The following MYOD1 variants were observed in gnomAD, a reference collection of about 807,000 sequenced individuals.
MYOD1 encodes the protein myoblast determination protein 1.
In MYOD1, 15 loss-of-function variants were observed where a neutral mutation model predicts 14.9. The observed-to-expected ratio is 1.01, with a 90% CI of 0.67 to 1.55. The LOEUF (loss-of-function observed/expected upper bound fraction) is 1.55. Ranked by LOEUF, MYOD1 falls within the 40% of genes most tolerant of loss-of-function variation. MYOD1 has a pLI of 0.00. For synonymous variants in MYOD1, 235 were observed against 218.6 expected, an observed-to-expected ratio of 1.07 and a Z score of -0.66; for missense variants, 529 against 482.6, an observed-to-expected ratio of 1.10 and a Z score of -0.90.
At position 17,721,380 on chromosome 11, in the gene MYOD1, C is replaced by A; in HGVS notation, c.835C>A (p.Pro279Thr). 6.3e-7 allele frequency: 1 copy of A among 1,596,472 alleles called. No homozygotes were observed. The highest frequency in any genetic ancestry group is 8.5e-7 in the Non-Finnish European group (1 of 1,178,104). ...LLLADVPSES[P>T]PRRQEAAAPS... ...GCTGGCGGACGTGCCTTCTGAGTCG[C>A]CTCCGCGCAGGCAAGAGGCTGCCGC... The change falls in exon 3 of 3, where the codon CCT (proline) becomes ACT (threonine). Residue 279 changes from proline to threonine, a missense_variant. By Grantham distance (38) the Pro-to-Thr change is conservative. Transcript: ENST00000250003. This position sits in a 1 kb window ranked among gnomAD's most constrained non-coding sequence, Gnocchi z 6.2.
rs1042804 is a variant in MYOD1 at position 17,721,613 on chromosome 11, A to G, written c.*105A>G. 3.0e-6 allele frequency: 4 copies of G among 1,349,350 alleles called. No homozygotes were observed. Among genetic ancestry groups the G allele is most frequent in the Non-Finnish European group, 3.9e-6 (4 of 1,027,530 alleles). The allele number at this position is 1,349,350 out of a possible 1,614,324, so 83.6% of individuals were successfully genotyped here. ...CCCTCCCAACAGCGCTTTAAAAGCG[A>G]CCTCTCTTGAGGTAGGAGAGGCGGG... On this transcript the variant is annotated 3_prime_UTR_variant, in exon 3 of 3. Transcript: ENST00000250003. This position sits in a 1 kb window ranked among gnomAD's most constrained non-coding sequence, Gnocchi z 6.2.
rs139044494 is a variant in MYOD1 at position 17,721,534 on chromosome 11, G to A, written c.*26G>A. The A allele has an allele frequency of 0.016, 24,140 of 1,497,176 alleles. 296 individuals are homozygous for A. Among genetic ancestry groups the A allele is most frequent in the Non-Finnish European group, 0.018 (20,362 of 1,129,350 alleles). The allele number at this position is 1,497,176 out of a possible 1,614,324, so 92.7% of individuals were successfully genotyped here. A position where few individuals can be genotyped will look rare whatever the true frequency, so the allele number is the denominator to read the frequency against. Reference sequence around the variant, plus strand: ...GGGGATGGTGGCCGCCCACCCGCCCGAGGGATGGTGCCCCTAGGGTCCCTC... The same window carrying A: ...GGGGATGGTGGCCGCCCACCCGCCCAAGGGATGGTGCCCCTAGGGTCCCTC... On this transcript the variant is annotated 3_prime_UTR_variant, in exon 3 of 3. Coordinates refer to ENST00000250003, the MANE Select transcript of MYOD1 (RefSeq NM_002478.5). This position sits in a 1 kb window ranked among gnomAD's most constrained non-coding sequence, Gnocchi z 6.2.
At position 17,720,945 on chromosome 11, in the gene MYOD1, G is replaced by T. The variant is rs1215049962; in HGVS notation, c.674G>T (p.Cys225Phe). The change falls in exon 2 of 3, where the codon TGC becomes TTC. Residue 225 changes from cysteine to phenylalanine, a missense_variant. Transcript: ENST00000250003. Reference sequence around the variant, plus strand: ...CCGAGCGGCGCCCGGCGGCGGAACTGCTACGAAGGCGCCTACTACAACGAG... The same window carrying T: ...CCGAGCGGCGCCCGGCGGCGGAACTTCTACGAAGGCGCCTACTACAACGAG... ...GPPSGARRRNCYEGAYYNEAP... is the reference protein window; with the variant it reads ...GPPSGARRRNFYEGAYYNEAP... The T allele has an allele frequency of 6.2e-7, 1 of 1,608,880 alleles. No individual in the cohort carries two copies. The highest frequency in any genetic ancestry group is 8.5e-7 in the Non-Finnish European group (1 of 1,178,452).
At position 17,719,907 on chromosome 11, in the gene MYOD1, T is replaced by C. The variant is rs1848619061; in HGVS notation, c.125T>C (p.Phe42Ser). 1 of 1,613,900 alleles carries C rather than the reference T, an allele frequency of 6.2e-7. No homozygotes were observed. Among genetic ancestry groups the C allele is most frequent in the Non-Finnish European group, 8.5e-7 (1 of 1,179,986 alleles). Reference sequence around the variant, plus strand: ...TGTTTCGACTCCCCGGACCTGCGCTTCTTCGAAGACCTGGACCCGCGCCTG... The same window carrying C: ...TGTTTCGACTCCCCGGACCTGCGCTCCTTCGAAGACCTGGACCCGCGCCTG... ...DPCFDSPDLR[F>S]FEDLDPRLMH... The change falls in exon 1 of 3, where the codon TTC (phenylalanine) becomes TCC (serine). Residue 42 changes from phenylalanine to serine, a missense_variant. By Grantham distance (155) the Phe-to-Ser change is radical (BLOSUM62 -2). Transcript: ENST00000250003.
chr11:17,721,599 G>A lies in MYOD1; in HGVS notation c.*91G>A, dbSNP rs752749900. The A allele has an allele frequency of 7.0e-7, 1 of 1,422,114 alleles. No individual in the cohort carries two copies. The highest frequency in any genetic ancestry group is 9.2e-7 in the Non-Finnish European group (1 of 1,084,170). 88.1% of individuals were successfully genotyped at this position (1,422,114 alleles called of 1,614,324 possible). A position where few individuals can be genotyped will look rare whatever the true frequency, so the allele number is the denominator to read the frequency against. On this transcript the variant is annotated 3_prime_UTR_variant, in exon 3 of 3. Transcript: ENST00000250003. The surrounding 1 kb of genome is among the most constrained non-coding windows in gnomAD (Gnocchi z 6.2). ...GAACTTAAATGCCCCCCTCCCAACA[G>A]CGCTTTAAAAGCGACCTCTCTTGAG...
In MYOD1 at chr11:17,720,271, G is replaced by T; in HGVS notation, c.489G>T (p.Leu163=). The T allele has an allele frequency of 6.3e-7, 1 of 1,598,016 alleles. No homozygotes were observed. ...GCTATATCGAGGGCCTGCAGGCTCT[G>T]CTGCGCGACCAGGACGCCGCGCCCC... ...AIRYIEGLQA[L]LRDQDAAPPG... Residue 163 remains leucine (L), a synonymous_variant, in exon 1 of 3, where the codon CTG becomes CTT. Coordinates refer to ENST00000250003, the MANE Select transcript of MYOD1 (RefSeq NM_002478.5).
chr11:17,720,420 C>A lies in MYOD1; in HGVS notation c.630+8C>A. On this transcript the variant is annotated splice_region_variant and intron_variant, in intron 1 of 2. Coordinates refer to ENST00000250003, the MANE Select transcript of MYOD1 (RefSeq NM_002478.5). ...AACTGCTCCGACGGCATGGTAAGGC[C>A]GGGACCCCAGGAAGTGAGGAAGTTA... 1 of 1,553,118 alleles carries A rather than the reference C, an allele frequency of 6.4e-7. No individual in the cohort carries two copies. The highest frequency in any genetic ancestry group is 1.2e-5 in the South Asian group (1 of 83,906).
intron 1 of MYOD1, 116 bp from the exon 2 acceptor site, chr11:17,720,786 T>G: frequency 8.6e-7 from 1 of 1,156,586 alleles, no homozygotes; most frequent in Non-Finnish European, 1.2e-6. Context: ...CCAGGACAGG[T>G]CTGGGCCCGG....
rs548800810 is a variant in MYOD1 at position 17,720,278 on chromosome 11, G to A, written c.496G>A (p.Asp166Asn). The A allele has an allele frequency of 2.5e-6, 4 of 1,595,962 alleles. No individual in the cohort carries two copies. Among genetic ancestry groups the A allele is most frequent in the Non-Finnish European group, 3.4e-6 (4 of 1,174,292 alleles). Residue 166 changes from aspartate (D) to asparagine (N), a missense_variant, in exon 1 of 3, where the codon GAC (aspartate) becomes AAC (asparagine). Physicochemically the swap from Asp to Asn is conservative, Grantham distance 23 (BLOSUM62 1). Coordinates refer to ENST00000250003, the MANE Select transcript of MYOD1 (RefSeq NM_002478.5). Reference protein sequence around the residue: ...YIEGLQALLRDQDAAPPGAAA... With the variant: ...YIEGLQALLRNQDAAPPGAAA... ...CGAGGGCCTGCAGGCTCTGCTGCGC[G>A]ACCAGGACGCCGCGCCCCCTGGCGC...
At position 17,719,804 on chromosome 11, in the gene MYOD1, C is replaced by T. The variant is rs1490871676; in HGVS notation, c.22C>T (p.Leu8Phe). 3 of 1,613,132 alleles carry T rather than the reference C, an allele frequency of 1.9e-6. No individual in the cohort carries two copies. In the African/African-American group the frequency reaches 4.0e-5, roughly 22 times the overall value. The change falls in exon 1 of 3, where the codon CTC becomes TTC. Residue 8 changes from leucine to phenylalanine, a missense_variant. Transcript: ENST00000250003. Reference protein sequence around the residue: MELLSPPLRDVDLTAPDG... With the variant: MELLSPPFRDVDLTAPDG... ...GGATATGGAGCTACTGTCGCCACCG[C>T]TCCGCGACGTAGACCTGACGGCCCC...
chr11:17,719,875 C>T lies in MYOD1; in HGVS notation c.93C>T (p.Asp31=). The T allele has an allele frequency of 6.2e-7, 1 of 1,613,942 alleles. No individual in the cohort carries two copies. The highest frequency in any genetic ancestry group is 8.5e-7 in the Non-Finnish European group (1 of 1,180,018). Residue 31 remains aspartate, a synonymous_variant, in exon 1 of 3, where the codon GAC becomes GAT. Coordinates refer to ENST00000250003, the MANE Select transcript of MYOD1 (RefSeq NM_002478.5). ...CSFATTDDFY[D]DPCFDSPDLR... ...TTGCCACAACGGACGACTTCTATGA[C>T]GACCCGTGTTTCGACTCCCCGGACC...
rs1311072509 is a variant in MYOD1, at chr11:17,722,059, T to A, written c.*551T>A. ...ATGGTGTGTGGTGCTACAGGGAATT[T>A]GTACGTTTATACCGCAGGCGGGCGA... On this transcript the variant is annotated 3_prime_UTR_variant, in exon 3 of 3. Coordinates refer to ENST00000250003, the MANE Select transcript of MYOD1 (RefSeq NM_002478.5). 5.0e-6 allele frequency: 1 copy of A among 198,474 alleles called. No individual in the cohort carries two copies. Among genetic ancestry groups the A allele is most frequent in the Non-Finnish European group, 1.0e-5 (1 of 96,028 alleles). The allele number at this position is 198,474 out of a possible 1,614,324, so 12.3% of individuals were successfully genotyped here.
At position 17,721,483 on chromosome 11, in the gene MYOD1, C is replaced by A; in HGVS notation, c.938C>A (p.Pro313His). 6.3e-7 allele frequency: 1 copy of A among 1,576,374 alleles called. No homozygotes were observed. Among genetic ancestry groups the A allele is most frequent in the East Asian group, 2.3e-5 (1 of 44,272 alleles). Residue 313 changes from proline (P) to histidine (H), a missense_variant, in exon 3 of 3, where the codon CCC (proline) becomes CAC (histidine). Physicochemically the swap from Pro to His is moderately conservative, Grantham distance 77 (BLOSUM62 -2). Transcript: ENST00000250003. The surrounding 1 kb of genome is among the most constrained non-coding windows in gnomAD (Gnocchi z 6.2). ...CCGCAGTGCCCTGCGGGTGCGAACCCCAACCCGATATACCAGGTGCTCTGA... is the reference window on the plus strand; with the variant it reads ...CCGCAGTGCCCTGCGGGTGCGAACCACAACCCGATATACCAGGTGCTCTGA... ...AAPQCPAGANPNPIYQVL is the reference protein window; with the variant it reads ...AAPQCPAGANHNPIYQVL
rs1290185431 is a variant in MYOD1 at position 17,721,842 on chromosome 11, T to C, written c.*334T>C. 9.1e-6 allele frequency: 3 copies of C among 329,228 alleles called. No individual in the cohort carries two copies. The highest frequency in any genetic ancestry group is 2.1e-5 in the African/African-American group (1 of 47,652). The allele number at this position is 329,228 out of a possible 1,614,324, so 20.4% of individuals were successfully genotyped here. On this transcript the variant is annotated 3_prime_UTR_variant, in exon 3 of 3. Transcript: ENST00000250003. This position sits in a 1 kb window ranked among gnomAD's most constrained non-coding sequence, Gnocchi z 6.2. ...CGCAGACCTAAGCCCTGCCCCGGGATGCACCGGTTATTTGGGGGGGCGTGA... is the reference window on the plus strand; with the variant it reads ...CGCAGACCTAAGCCCTGCCCCGGGACGCACCGGTTATTTGGGGGGGCGTGA...
chr11:17,721,147 C>T lies in MYOD1; in HGVS notation c.710-108C>T. On this transcript the variant is annotated intron_variant, in intron 2 of 2. Transcript: ENST00000250003. This position sits in a 1 kb window ranked among gnomAD's most constrained non-coding sequence, Gnocchi z 6.2. ...TCCCTGTCTTTTGGATTGTCCCGGA[C>T]TCTAACTAAAGTCCTCAGTTTCCAA... The T allele has an allele frequency of 7.0e-7, 1 of 1,434,770 alleles. No homozygotes were observed. The highest frequency in any genetic ancestry group is 9.2e-7 in the Non-Finnish European group (1 of 1,088,734). 88.9% of individuals were successfully genotyped at this position (1,434,770 alleles called of 1,614,324 possible).
chr11:17,720,101 A>G lies in MYOD1; in HGVS notation c.319A>G (p.Asn107Asp), dbSNP rs1265886507. 2 of 1,576,936 alleles carry G rather than the reference A, an allele frequency of 1.3e-6. No individual in the cohort carries two copies. The highest frequency in any genetic ancestry group is 1.7e-6 in the Non-Finnish European group (2 of 1,161,492). ...ACKACKRKTT[N>D]ADRRKAATMR... ...CAAGGCGTGCAAGCGCAAGACCACCAACGCCGACCGCCGCAAGGCCGCCAC... is the reference window on the plus strand; with the variant it reads ...CAAGGCGTGCAAGCGCAAGACCACCGACGCCGACCGCCGCAAGGCCGCCAC... The change falls in exon 1 of 3, where the codon AAC (asparagine) becomes GAC (aspartate). Residue 107 changes from asparagine to aspartate, a missense_variant. Coordinates refer to ENST00000250003, the MANE Select transcript of MYOD1 (RefSeq NM_002478.5).
chr11:17,721,403 C>G lies in MYOD1; in HGVS notation c.858C>G (p.Ala286=). ...SESPPRRQEA[A]APSEGESSGD... ...CGCCTCCGCGCAGGCAAGAGGCTGC[C>G]GCCCCCAGCGAGGGAGAGAGCAGCG... is the stretch of plus-strand genomic sequence containing the variant. Residue 286 remains alanine, a synonymous_variant, in exon 3 of 3, where the codon GCC becomes GCG. Coordinates refer to ENST00000250003, the MANE Select transcript of MYOD1 (RefSeq NM_002478.5). This position sits in a 1 kb window ranked among gnomAD's most constrained non-coding sequence, Gnocchi z 6.2. 1.3e-6 allele frequency: 2 copies of G among 1,597,530 alleles called. No individual in the cohort carries two copies. Among genetic ancestry groups the G allele is most frequent in the Non-Finnish European group, 1.7e-6 (2 of 1,178,236 alleles).
chr11:17,720,618 G>C (rs1329866461), intron 1 of MYOD1, among the ~76,000 whole-genome samples: 1 of 152,230 alleles, frequency 6.6e-6, no homozygotes, highest in Non-Finnish European at 1.5e-5. Flanking sequence ...CCCATTGGGG[G>C]CGCTATTAGA....
At position 17,719,981 on chromosome 11, in the gene MYOD1, G is replaced by A; in HGVS notation, c.199G>A (p.Ala67Thr). 1 of 1,611,338 alleles carries A rather than the reference G, an allele frequency of 6.2e-7. No homozygotes were observed. The highest frequency in any genetic ancestry group is 8.5e-7 in the Non-Finnish European group (1 of 1,179,114). Residue 67 changes from alanine to threonine, a missense_variant, in exon 1 of 3, where the codon GCG (alanine) becomes ACG (threonine). Transcript: ENST00000250003. ...LKPEEHSHFPAAVHPAPGARE... is the reference protein window; with the variant it reads ...LKPEEHSHFPTAVHPAPGARE... ...ACCCGAAGAGCACTCGCACTTCCCCGCGGCGGTGCACCCGGCCCCGGGCGC... is the reference window on the plus strand; with the variant it reads ...ACCCGAAGAGCACTCGCACTTCCCCACGGCGGTGCACCCGGCCCCGGGCGC...
Sources: gnomAD v4.1 joint callset for allele counts (sites outside exome capture counted in the v4.1 genomes callset) on GRCh38, gnomAD v4.1.1 for gene constraint, Gnocchi (gnomAD v3.1) non-coding constraint, MANE v1.5 for transcripts, NCBI Gene and HGNC (gene_info 2026-07-23, HGNC 2026-07-21) for gene names.